Variants in TBC1D15 observed in about 807,000 individuals in gnomAD.
TBC1D15 encodes the protein GAP for RAB7.
TBC1D15 carries 39 observed loss-of-function variants against 95.4 expected under a neutral mutation model. The observed-to-expected ratio is 0.41, with a 90% CI of 0.32 to 0.53. The LOEUF is 0.53. TBC1D15 is among the 20% of genes least tolerant of loss of function. TBC1D15 has a pLI of 0.29. For missense variants in TBC1D15, 733 were observed against 794.3 expected (o/e 0.92, Z 0.93); for synonymous variants, 258 against 261.3 (o/e 0.99, Z 0.12).
intron 2 of TBC1D15, among the ~76,000 whole-genome samples, chr12:71,872,502 G>T (rs768785828): frequency 6.6e-6 from 1 of 152,066 alleles, no homozygotes; most frequent in Non-Finnish European, 1.5e-5. Context: ...CTAACATAAA[G>T]CCTGTTTTAT....
chr12:71,904,354 G>GA (rs1484267059), intron 10 of TBC1D15, among the ~76,000 whole-genome samples: 2 of 152,188 alleles, frequency 1.3e-5, no homozygotes, highest in Non-Finnish European at 2.9e-5. Flanking sequence ...AGAGAAAATA[G>GA]AAGAAGACTT....
At chr12:71,879,348 T>C (rs550173706) in intron 3 of TBC1D15, among the ~76,000 whole-genome samples, 1 of 152,292 alleles carries the variant, frequency 6.6e-6, no homozygotes, top group East Asian at 1.9e-4. Context: ...TTGGCCAGGC[T>C]GGTCTGAAAC....
chr12:71,876,015 G>A (rs1455742333), intron 3 of TBC1D15, among the ~76,000 whole-genome samples: 1 of 151,942 alleles, frequency 6.6e-6, no homozygotes, highest in Non-Finnish European at 1.5e-5. Context: ...TGCTGGTCTC[G>A]ATCTCCTGAC....
chr12:71,899,933 T>A, intron 10 of TBC1D15, among the ~76,000 whole-genome samples: 1 of 152,128 alleles, frequency 6.6e-6, no homozygotes, highest in East Asian at 1.9e-4. Context: ...CACTCCGGCC[T>A]GGGTGACAGA....
At chr12:71,896,588 A>T in intron 8 of TBC1D15, 89 bp from the exon 9 acceptor site, 1 of 1,049,592 alleles carries the variant, frequency 9.5e-7, no homozygotes, top group Non-Finnish European at 1.4e-6. Context: ...CCTCTTAAAG[A>T]TTAGTTTTCC....
chr12:71,843,144 G>A (rs534227966), intron 1 of TBC1D15, among the ~76,000 whole-genome samples: 34 of 152,186 alleles, frequency 2.2e-4, no homozygotes, highest in African/African-American at 7.9e-4. Flanking sequence ...AGCCGGGCAT[G>A]GTGGTACACG....
intron 12 of TBC1D15, 28 bp downstream of exon 12, chr12:71,913,954 C>T: frequency 6.6e-7 from 1 of 1,507,452 alleles, no homozygotes; most frequent in Non-Finnish European, 9.0e-7. Context: ...TTCCATTAAA[C>T]TGATTTTTAA....
At chr12:71,895,843 A>G in intron 7 of TBC1D15, 104 bp from the exon 8 acceptor site, 1 of 1,093,588 alleles carries the variant, frequency 9.1e-7, no homozygotes, top group East Asian at 2.6e-5. Context: ...TAAAAGTATT[A>G]GAAGTCATGT....
chr12:71,869,522 C>T (rs537761444), intron 1 of TBC1D15, among the ~76,000 whole-genome samples: 2 of 151,564 alleles, frequency 1.3e-5, no homozygotes, highest in East Asian at 3.9e-4. Context: ...AACTGTGTCT[C>T]AAAAACAAAA....
intron 11 of TBC1D15, among the ~76,000 whole-genome samples, chr12:71,912,629 A>G (rs1902670153): frequency 6.6e-6 from 1 of 152,066 alleles, no homozygotes; most frequent in Admixed American, 6.6e-5. Context: ...GTAATGTGTA[A>G]TTATGTATCA....
chr12:71,903,643 A>T (rs1899973421), intron 10 of TBC1D15, among the ~76,000 whole-genome samples: 1 of 152,242 alleles, frequency 6.6e-6, no homozygotes, highest in Non-Finnish European at 1.5e-5. Context: ...GGTGGACTGG[A>T]TAAAGAAAAT....
chr12:71,843,609 A>G (rs986580186), intron 1 of TBC1D15, among the ~76,000 whole-genome samples: 1 of 151,922 alleles, frequency 6.6e-6, no homozygotes, highest in African/African-American at 2.4e-5. Context: ...AGTTCTTTGG[A>G]TACAAGGGTG....
At chr12:71,894,945 A>G (rs1014800935) in intron 7 of TBC1D15, 62 bp downstream of exon 7, 25 of 1,478,946 alleles carry the variant, frequency 1.7e-5, no homozygotes, top group Admixed American at 6.4e-5. Context: ...GTACTATAGA[A>G]ATAGAAACTT....
rs544512751 is a variant in TBC1D15, at chr12:71,908,492, A to G, written c.1300+1354A>G. On this transcript the variant is annotated intron_variant, in intron 11 of 16. Coordinates refer to ENST00000485960, the MANE Select transcript of TBC1D15 (RefSeq NM_001146213.3). ...ATTAAAACTAAATGAACCTTGAATT[A>G]TGGGCACATTTTCTTCACTGTTCAT... Among the ~76,000 whole-genome samples, 4 of 152,314 alleles carry G rather than the reference A, an allele frequency of 2.6e-5. No individual in the cohort carries two copies. In the South Asian group the frequency reaches 8.3e-4, roughly 32 times the overall value.
At chr12:71,908,680 T>C (rs531512730) in intron 11 of TBC1D15, among the ~76,000 whole-genome samples, 1 of 152,302 alleles carries the variant, frequency 6.6e-6, no homozygotes, top group African/African-American at 2.4e-5. Context: ...GAACCTATAA[T>C]GAGCTTCAGA....
intron 7 of TBC1D15, 127 bp downstream of exon 7, chr12:71,895,010 G>T: frequency 1.2e-6 from 1 of 819,156 alleles, no homozygotes; most frequent in East Asian, 2.7e-5. Flanking sequence ...CTTTTTGCTA[G>T]TATATCTGAC....
intron 1 of TBC1D15, chr12:71,850,229 C>T (rs1389903852): frequency 1.8e-6 from 1 of 560,276 alleles, no homozygotes; most frequent in East Asian, 4.6e-5. Context: ...TGGTATAACT[C>T]AGTTTTCTTC....
chr12:71,847,448 G>C (rs1047118005), intron 1 of TBC1D15, among the ~76,000 whole-genome samples: 5 of 151,988 alleles, frequency 3.3e-5, no homozygotes, highest in African/African-American at 9.7e-5. Context: ...TGTAATCCCA[G>C]CACTTTGAGA....
At position 71,848,327 on chromosome 12, in the gene TBC1D15, G is replaced by T. The variant is rs547762463; in HGVS notation, c.30+8516G>T. ...CCACTGGCAGTGTATGAAAGTTCCA[G>T]TTGCTTCATATTTTTGCCCATATTT... On this transcript the variant is annotated intron_variant, in intron 1 of 16. Coordinates refer to ENST00000485960, the MANE Select transcript of TBC1D15 (RefSeq NM_001146213.3). Among the ~76,000 whole-genome samples the T allele has an allele frequency of 2.0e-4, 30 of 152,260 alleles. 1 individual carries two copies. In the South Asian group the frequency reaches 6.0e-3, roughly 31 times the overall value.
Sources: allele counts gnomAD v4.1 joint callset (sites outside exome capture counted in the v4.1 genomes callset), GRCh38; gene constraint gnomAD v4.1.1; transcripts MANE v1.5; gene names NCBI Gene and HGNC (gene_info 2026-07-23, HGNC 2026-07-21).